DIAPH2: variants seen among roughly 807,000 people sequenced by gnomAD.
The protein encoded by DIAPH2 is protein diaphanous homolog 2.
DIAPH2 carries 35 observed loss-of-function variants against 92.7 expected under a neutral mutation model. That is an observed-to-expected ratio of 0.38 (90% CI 0.29 to 0.50). DIAPH2 has a LOEUF of 0.50. Ranked by LOEUF, DIAPH2 falls within the 20% of genes least tolerant of loss-of-function variation. The probability of loss-of-function intolerance (pLI) is 0.94; values close to 1 mark genes in which losing one functional copy is unlikely to be tolerated. For synonymous variants in DIAPH2, 301 were observed against 280.4 expected, an observed-to-expected ratio of 1.07 and a Z score of -0.73; for missense variants, 701 against 819.5, an observed-to-expected ratio of 0.86 and a Z score of 1.77.
chrX:97,515,576 G>T (rs1029364051), intron 26 of DIAPH2, among the ~76,000 whole-genome samples: 1 of 112,151 alleles, frequency 8.9e-6, no homozygotes, highest in African/African-American at 3.2e-5. Context: ...TGATGAAGAA[G>T]TGGAGGGTAG....
chrX:96,917,647 AC>A (rs1212346288), intron 8 of DIAPH2, among the ~76,000 whole-genome samples: 1 of 111,344 alleles, frequency 9.0e-6, no homozygotes, highest in African/African-American at 3.2e-5. Flanking sequence ...AGAGTAGTAT[AC>A]TATATAGAGA....
intron 22 of DIAPH2, among the ~76,000 whole-genome samples, chrX:97,240,901 G>A (rs2068088283): frequency 9.0e-6 from 1 of 111,582 alleles, no homozygotes; most frequent in African/African-American, 3.3e-5. Context: ...ATCAGGAAAT[G>A]AAGGCCTAGA....
intron 22 of DIAPH2, among the ~76,000 whole-genome samples, chrX:97,203,435 AAAG>A (rs1247848284): frequency 8.1e-5 from 9 of 111,690 alleles, no homozygotes; most frequent in African/African-American, 2.9e-4. Context: ...CCAGACTAAT[AAAG>A]AAGAAAAGAG....
In DIAPH2 at chrX:97,449,545, T is replaced by C. The variant is rs148352010; in HGVS notation, c.3241+19800T>C. 406 of 214,062 alleles carry C rather than the reference T, an allele frequency of 1.9e-3. 1 individual carries two copies. The highest frequency in any genetic ancestry group is 0.011 in the Middle Eastern group (4 of 373). 17.6% of individuals were successfully genotyped at this position (214,062 alleles called of 1,213,427 possible). A position where few individuals can be genotyped will look rare whatever the true frequency, so the allele number is the denominator to read the frequency against. The stretch of plus-strand genomic sequence containing the variant: ...CTTTATGCAATATAGATGTATTATA[T>C]TTTGTGAAACTACCGATGGTCATTC... On this transcript the variant is annotated intron_variant, in intron 26 of 26. Coordinates refer to ENST00000324765, the MANE Select transcript of DIAPH2 (RefSeq NM_006729.5).
chrX:97,294,196 C>T (rs1044980103), intron 23 of DIAPH2, among the ~76,000 whole-genome samples: 1 of 111,854 alleles, frequency 8.9e-6, no homozygotes, highest in African/African-American at 3.2e-5. Flanking sequence ...AATAGACAGC[C>T]CCTGACTTTC....
chrX:97,463,859 A>C (rs2070482920), intron 26 of DIAPH2, among the ~76,000 whole-genome samples: 1 of 110,653 alleles, frequency 9.0e-6, no homozygotes, highest in African/African-American at 3.3e-5. Context: ...CTAATGCTTG[A>C]CCCATCACTG....
chrX:97,560,253 G>A (rs1158151503), intron 26 of DIAPH2, among the ~76,000 whole-genome samples: 1 of 112,127 alleles, frequency 8.9e-6, no homozygotes, highest in Non-Finnish European at 1.9e-5. Flanking sequence ...GTTTCTGTAA[G>A]TTTAATTCAA....
intron 5 of DIAPH2, among the ~76,000 whole-genome samples, chrX:96,912,090 C>A (rs1366810108): frequency 9.0e-6 from 1 of 111,036 alleles, no homozygotes; most frequent in East Asian, 2.8e-4. Context: ...GCTGGTGAAA[C>A]AACCAAGGCA....
At chrX:96,980,935 T>C (rs762821550) in intron 17 of DIAPH2, among the ~76,000 whole-genome samples, 5 of 96,103 alleles carry the variant, frequency 5.2e-5, no homozygotes, top group African/African-American at 1.6e-4. Flanking sequence ...CCAGGGTGGG[T>C]GGATCGCATG....
At chrX:97,599,067 A>C (rs763894885) in intron 26 of DIAPH2, among the ~76,000 whole-genome samples, 186 bp from the exon 27 acceptor site, 4 of 112,079 alleles carry the variant, frequency 3.6e-5, no homozygotes, top group African/African-American at 1.3e-4. Flanking sequence ...TGATTGCAGA[A>C]CTCTTGAACT....
intron 17 of DIAPH2, among the ~76,000 whole-genome samples, chrX:96,990,932 T>C (rs955308215): frequency 3.5e-4 from 39 of 111,184 alleles, no homozygotes; most frequent in African/African-American, 1.2e-3. Flanking sequence ...CAGTGAATGA[T>C]GTAATTTTGT....
intron 25 of DIAPH2, among the ~76,000 whole-genome samples, chrX:97,425,807 GGTGTGTGTGTGTATGTATATGTGT>G (rs1240471618): frequency 2.1e-5 from 2 of 93,118 alleles, no homozygotes; most frequent in African/African-American, 7.0e-5. Flanking sequence ...TCATATACTG[GGTGTGTGTGTGTATGTATATGTGT>G]GTGTGTGTGT....
intron 5 of DIAPH2, chrX:96,884,814 G>C (rs1388715702): frequency 8.3e-7 from 1 of 1,209,061 alleles, no homozygotes; most frequent in Non-Finnish European, 1.1e-6. Context: ...ACATGATGCT[G>C]GATAAAGCCC....
In DIAPH2 at chrX:97,269,017, C is replaced by T. The variant is rs568932879; in HGVS notation, c.2844+21178C>T. On this transcript the variant is annotated intron_variant, in intron 23 of 26. Coordinates refer to ENST00000324765, the MANE Select transcript of DIAPH2 (RefSeq NM_006729.5). ...GATTACGGGCACTCACCACCACGCCCGGCTAATTTTTGTATTTTTAGTAGA... is the reference window on the plus strand; with the variant it reads ...GATTACGGGCACTCACCACCACGCCTGGCTAATTTTTGTATTTTTAGTAGA... 5.5e-4 allele frequency among the ~76,000 whole-genome samples: 60 copies of T among 109,498 alleles called. No individual in the cohort carries two copies. The South Asian group carries it at 0.014, about 26-fold the overall frequency.
chrX:97,367,700 A>C (rs2069394350), intron 24 of DIAPH2, among the ~76,000 whole-genome samples: 2 of 107,931 alleles, frequency 1.9e-5, no homozygotes, highest in Admixed American at 9.9e-5. Context: ...TCGGTAAAAT[A>C]TCTTTTTTTT....
chrX:97,148,224 C>T (rs1361448668), intron 22 of DIAPH2, among the ~76,000 whole-genome samples: 1 of 111,768 alleles, frequency 8.9e-6, no homozygotes, highest in African/African-American at 3.3e-5. Flanking sequence ...AGAGTTATTA[C>T]ATATATTTCA....
At chrX:97,022,027 C>T (rs566497550) in intron 17 of DIAPH2, among the ~76,000 whole-genome samples, 2 of 111,747 alleles carry the variant, frequency 1.8e-5, no homozygotes, top group South Asian at 3.7e-4. Context: ...GGAAAGAAAA[C>T]CTAAGTCTGC....
chrX:97,449,896 A>G (rs1173517236), intron 26 of DIAPH2, among the ~76,000 whole-genome samples: 1 of 111,347 alleles, frequency 9.0e-6, no homozygotes, highest in Non-Finnish European at 1.9e-5. Flanking sequence ...TGCAATTTCA[A>G]TTGGCTATGG....
chrX:97,282,480 T>G (rs771501442), intron 23 of DIAPH2, among the ~76,000 whole-genome samples: 14 of 110,751 alleles, frequency 1.3e-4, no homozygotes, highest in Admixed American at 1.1e-3. Context: ...CAGCTAATTT[T>G]TTGTATTTTT....
Sources: allele counts gnomAD v4.1 joint callset (sites outside exome capture counted in the v4.1 genomes callset), GRCh38; gene constraint gnomAD v4.1.1; transcripts MANE v1.5; gene names NCBI Gene and HGNC (gene_info 2026-07-23, HGNC 2026-07-21).